The following COPB2 variants were observed in gnomAD, a reference collection of about 807,000 sequenced individuals.
COPB2 encodes coatomer subunit beta'.
In COPB2, 16 loss-of-function variants were observed where a neutral mutation model predicts 120.8. That is an observed-to-expected ratio of 0.13 (90% CI 0.09 to 0.20). The LOEUF (loss-of-function observed/expected upper bound fraction) is 0.20. Among genes scored for constraint, COPB2 ranks in the 10% least tolerant of loss-of-function variants. The pLI is 1.00. For synonymous variants in COPB2, 332 were observed against 366.3 expected (o/e 0.91, Z 1.07); for missense variants, 794 against 1,076.5 (o/e 0.74, Z 3.67).
At chr3:139,367,787 T>C (rs1051810622) in intron 13 of COPB2, among the ~76,000 whole-genome samples, 1 of 152,204 alleles carries the variant, frequency 6.6e-6, no homozygotes, top group Non-Finnish European at 1.5e-5. Context: ...AATGAAATAT[T>C]AAGTATTTCA....
chr3:139,367,626 A>C (rs1340123063), intron 13 of COPB2, among the ~76,000 whole-genome samples: 1 of 152,072 alleles, frequency 6.6e-6, no homozygotes, highest in Admixed American at 6.6e-5. Flanking sequence ...TTCCTACTCA[A>C]TATAACCCTT....
At chr3:139,386,475 C>T (rs1422802246) in intron 1 of COPB2, among the ~76,000 whole-genome samples, 2 of 152,054 alleles carry the variant, frequency 1.3e-5, no homozygotes, top group Non-Finnish European at 2.9e-5. Flanking sequence ...TGGTCTCGAA[C>T]TCCTCTCCTG....
chr3:139,375,293 A>G (rs1465637503), intron 6 of COPB2, among the ~76,000 whole-genome samples, 175 bp downstream of exon 6: 1 of 152,214 alleles, frequency 6.6e-6, no homozygotes, highest in Non-Finnish European at 1.5e-5. Context: ...TAAAATCTTG[A>G]TATGCATTGT....
Position 139,389,631 on chromosome 3 carries a change from C to T in COPB2, c.-81G>A. The T allele has an allele frequency of 2.1e-6, 3 of 1,400,806 alleles. No homozygotes were observed. Among genetic ancestry groups the T allele is most frequent in the East Asian group, 2.6e-5 (1 of 39,076 alleles). 86.8% of individuals were successfully genotyped at this position (1,400,806 alleles called of 1,614,324 possible). A position where few individuals can be genotyped will look rare whatever the true frequency, so the allele number is the denominator to read the frequency against. On this transcript the variant is annotated 5_prime_UTR_variant, in exon 1 of 22. Transcript: ENST00000333188. ...GAGATAAACCCACCGATCCACTGACCGTCAGACTGACTGACGTGGAACTTC... is the reference window on the plus strand; with the variant it reads ...GAGATAAACCCACCGATCCACTGACTGTCAGACTGACTGACGTGGAACTTC...
chr3:139,361,745 G>A (rs961568933), intron 16 of COPB2, among the ~76,000 whole-genome samples: 3 of 152,154 alleles, frequency 2.0e-5, no homozygotes, highest in Non-Finnish European at 4.4e-5. Flanking sequence ...TGATCTTAAC[G>A]TAGCTAAAAT....
At position 139,357,949 on chromosome 3, in the gene COPB2, C is replaced by G; in HGVS notation, c.2635G>C (p.Glu879Gln). ...TANKEEKSLL[E>Q]LEVDLDNLEL... ...AAATTATCCAAATCTACTTCTAGTT[C>G]GAGTAAACTCTGCAGACAAAAGGAA... The change falls in exon 22 of 22, where the codon GAA becomes CAA. Residue 879 changes from glutamate (E) to glutamine (Q), a missense_variant. Glu to Gln is a conservative substitution (Grantham distance 29). This residue lies in a region of COPB2 where 178 missense variants were observed against 183.2 expected (regional missense o/e 0.97). Coordinates refer to ENST00000333188, the MANE Select transcript of COPB2 (RefSeq NM_004766.3). 1.3e-6 allele frequency: 2 copies of G among 1,579,214 alleles called. No individual in the cohort carries two copies. The highest frequency in any genetic ancestry group is 1.7e-6 in the Non-Finnish European group (2 of 1,152,580).
At chr3:139,368,770 G>A (rs1247991727) in intron 12 of COPB2, among the ~76,000 whole-genome samples, 4 of 152,128 alleles carry the variant, frequency 2.6e-5, no homozygotes, top group Non-Finnish European at 5.9e-5. Context: ...CTGAGGATGC[G>A]TGCTCTAGAA....
At chr3:139,371,160 CAG>C (rs1355077400) in intron 10 of COPB2, among the ~76,000 whole-genome samples, 1 of 152,172 alleles carries the variant, frequency 6.6e-6, no homozygotes, top group Non-Finnish European at 1.5e-5. Context: ...GTAAAAAAGT[CAG>C]AGTTAAATGA....
intron 16 of COPB2, 35 bp downstream of exon 16, chr3:139,362,372 C>G (rs1305738187): frequency 1.4e-6 from 2 of 1,463,176 alleles, no homozygotes; most frequent in Non-Finnish European, 9.5e-7. Flanking sequence ...ACTGACTTTT[C>G]CATCAGTTAT....
rs1436872151 is a variant in COPB2, at chr3:139,374,358, C to T, written c.751+131G>A. The T allele has an allele frequency of 8.8e-6, 6 of 685,462 alleles. No homozygotes were observed. In the African/African-American group the frequency reaches 1.1e-4, roughly 12 times the overall value. The allele number at this position is 685,462 out of a possible 1,614,324, so 42.5% of individuals were successfully genotyped here. On this transcript the variant is annotated intron_variant, in intron 7 of 21. Coordinates refer to ENST00000333188, the MANE Select transcript of COPB2 (RefSeq NM_004766.3). ...ATAATGCCCCTTTACTCTTTTATAG[C>T]TTAAGTCTGGTACTTTAATAAAAAT...
In COPB2 at chr3:139,373,504, C is replaced by T. The variant is rs574635301; in HGVS notation, c.895-92G>A. The T allele has an allele frequency of 4.2e-5, 64 of 1,518,482 alleles. No individual in the cohort carries two copies. The Middle Eastern group carries it at 6.9e-4, about 16-fold the overall frequency. The allele number at this position is 1,518,482 out of a possible 1,614,324, so 94.1% of individuals were successfully genotyped here. A position where few individuals can be genotyped will look rare whatever the true frequency, so the allele number is the denominator to read the frequency against. On this transcript the variant is annotated intron_variant, in intron 8 of 21. Transcript: ENST00000333188. Reference sequence around the variant, plus strand: ...TATTTTTTTCACCTAACAGAGAGCTCCATTTCCTTTCTTCCACTTTAAATC... The same window carrying T: ...TATTTTTTTCACCTAACAGAGAGCTTCATTTCCTTTCTTCCACTTTAAATC...
In COPB2 at chr3:139,366,700, G is replaced by C. The variant is rs1238411636; in HGVS notation, c.1752C>G (p.Ser584Arg). The C allele has an allele frequency of 6.2e-7, 1 of 1,613,970 alleles. No individual in the cohort carries two copies. The highest frequency in any genetic ancestry group is 8.5e-7 in the Non-Finnish European group (1 of 1,179,990). Residue 584 changes from serine (S) to arginine (R), a missense_variant, in exon 15 of 22, where the codon AGC becomes AGG. Physicochemically the swap from Ser to Arg is moderately radical, Grantham distance 110. Around this residue, in one of 3 missense-constraint regions of COPB2, gnomAD observed 610 missense variants for 866.7 expected, o/e 0.70. Coordinates refer to ENST00000333188, the MANE Select transcript of COPB2 (RefSeq NM_004766.3). ...YLGDKELNII[S>R]YSLLVSVLEY... ...CCAGGACTGAAACCAGCAGGGAATA[G>C]CTAATGATGTTCAATTCTTTATCCC...
intron 1 of COPB2, chr3:139,384,982 A>C (rs944759267): frequency 6.6e-6 from 1 of 152,252 alleles, no homozygotes; most frequent in African/African-American, 2.4e-5. Context: ...AGTTCATAGA[A>C]TTATCTAGTA....
In COPB2 at chr3:139,359,367, A is replaced by G; in HGVS notation, c.2211-5T>C. On this transcript the variant is annotated splice_polypyrimidine_tract_variant and splice_region_variant and intron_variant, in intron 17 of 21. Transcript: ENST00000333188. ...AGCTCTAGGCAGGCATCAACCCTAA[A>G]CATTAAAAAGGAGAGGTACTGTTAC... The G allele has an allele frequency of 6.2e-7, 1 of 1,612,184 alleles. No homozygotes were observed. The highest frequency in any genetic ancestry group is 2.2e-5 in the East Asian group (1 of 44,820).
At chr3:139,370,086 G>A (rs1941594110) in intron 10 of COPB2, among the ~76,000 whole-genome samples, 1 of 152,178 alleles carries the variant, frequency 6.6e-6, no homozygotes, top group Admixed American at 6.5e-5. Flanking sequence ...GACTGTTAAT[G>A]GAGACAAGGG....
In COPB2 at chr3:139,357,656, TTAG is replaced by T; in HGVS notation, c.*204_*206del. ...AAAAAAATCAAAGCCCATGTCTGTT[TTAG>T]TTAACAAGGAAAACACAGTGATTTA... is the stretch of plus-strand genomic sequence containing the variant. On this transcript the variant is annotated 3_prime_UTR_variant, in exon 22 of 22. Transcript: ENST00000333188. 2.5e-6 allele frequency: 1 copy of T among 401,596 alleles called. No individual in the cohort carries two copies. Among genetic ancestry groups the T allele is most frequent in the Non-Finnish European group, 4.4e-6 (1 of 227,494 alleles). The allele number at this position is 401,596 out of a possible 1,614,324, so 24.9% of individuals were successfully genotyped here.
intron 1 of COPB2, among the ~76,000 whole-genome samples, chr3:139,386,766 C>G (rs1171202448): frequency 6.6e-6 from 1 of 152,080 alleles, no homozygotes; most frequent in Non-Finnish European, 1.5e-5. Flanking sequence ...TGGACACTTA[C>G]AAATTGTGAA....
chr3:139,383,172 T>C (rs1941845739), intron 2 of COPB2, 126 bp downstream of exon 2: 3 of 1,087,808 alleles, frequency 2.8e-6, no homozygotes, highest in Non-Finnish European at 4.1e-6. Flanking sequence ...TTAAAATACT[T>C]TGTACCAACT....
intron 1 of COPB2, among the ~76,000 whole-genome samples, chr3:139,386,534 CAAA>C (rs1457325817): frequency 1.3e-5 from 2 of 152,156 alleles, no homozygotes; most frequent in East Asian, 3.9e-4. Flanking sequence ...TTTCCACTTT[CAAA>C]TCATCATCTT....
Sources: allele counts gnomAD v4.1 joint callset (sites outside exome capture counted in the v4.1 genomes callset), GRCh38; gene constraint gnomAD v4.1.1; regional missense constraint gnomAD v4.1.1; transcripts MANE v1.5; gene names NCBI Gene and HGNC (gene_info 2026-07-23, HGNC 2026-07-21).